Variants in CCDC171 observed in about 807,000 individuals in gnomAD.
The protein encoded by CCDC171 is coiled-coil domain-containing protein 171.
In CCDC171, 177 loss-of-function variants were observed where a neutral mutation model predicts 168.2. The ratio of observed to expected loss-of-function variants is 1.05; its 90% CI spans 0.93 to 1.19. The LOEUF (loss-of-function observed/expected upper bound fraction) is 1.19. Ranked by LOEUF, CCDC171 falls within the 50% of genes most tolerant of loss-of-function variation. CCDC171 has a pLI of 0.00. For missense variants in CCDC171, 1,991 were observed against 1,539.0 expected (o/e 1.29, Z -4.91); for synonymous variants, 687 against 540.8 (o/e 1.27, Z -3.75).
intron 7 of CCDC171, among the ~76,000 whole-genome samples, chr9:15,638,543 C>A (rs1481502089): frequency 6.6e-6 from 1 of 151,908 alleles, no homozygotes; most frequent in African/African-American, 2.4e-5. Context: ...CAATATCAAA[C>A]TAAAGCAACT....
In CCDC171 at chr9:15,599,432, T is replaced by G. The variant is rs2042651639; in HGVS notation, c.675+5260T>G. ...AAGCTTAGTTTGGCTGGATATGAAA[T>G]TCTGGGTTGAAAATTCTTTTCTTCA... On this transcript the variant is annotated intron_variant, in intron 6 of 25. Coordinates refer to ENST00000380701, the MANE Select transcript of CCDC171 (RefSeq NM_173550.4). Among the ~76,000 whole-genome samples, 3 of 152,166 alleles carry G rather than the reference T, an allele frequency of 2.0e-5. No individual in the cohort carries two copies. In the South Asian group the frequency reaches 6.2e-4, roughly 32 times the overall value.
chr9:15,656,518 G>A (rs1164048469), intron 7 of CCDC171, among the ~76,000 whole-genome samples: 1 of 152,204 alleles, frequency 6.6e-6, no homozygotes, highest in Admixed American at 6.5e-5. Context: ...TAAACCAATT[G>A]TGGTCTATTA....
chr9:16,107,632 A>G, the CCDC171 span, among the ~76,000 whole-genome samples: 5 of 152,204 alleles, frequency 3.3e-5, no homozygotes, highest in African/African-American at 1.2e-4. Context: ...TAAACAATAT[A>G]TATACATGTA....
chr9:15,691,554 A>ATATATATATATG (rs1456823440), intron 10 of CCDC171, among the ~76,000 whole-genome samples: 65 of 143,594 alleles, frequency 4.5e-4, no homozygotes, highest in African/African-American at 1.6e-3. Context: ...TTTTATATAT[A>ATATATATATATG]TATATATATA....
intron 21 of CCDC171, among the ~76,000 whole-genome samples, chr9:15,835,257 A>G (rs180763770): frequency 2.0e-5 from 3 of 152,324 alleles, no homozygotes; most frequent in Admixed American, 2.0e-4. Context: ...TTAGTTGCAT[A>G]TTACATGTAT....
chr9:15,915,665 G>A (rs1188637109), intron 24 of CCDC171, among the ~76,000 whole-genome samples: 1 of 152,028 alleles, frequency 6.6e-6, no homozygotes, highest in African/African-American at 2.4e-5. Context: ...AATAAAAGTG[G>A]CAAAAAGTGG....
rs772190980 is a variant in CCDC171 at position 15,578,852 on chromosome 9, G to A, written c.181G>A (p.Ala61Thr). Residue 61 changes from alanine (A) to threonine (T), a missense_variant, in exon 4 of 26, where the codon GCA becomes ACA. Physicochemically the swap from Ala to Thr is moderately conservative, Grantham distance 58. Coordinates refer to ENST00000380701, the MANE Select transcript of CCDC171 (RefSeq NM_173550.4). ...EITTKHNAEL[A>T]SYESQIAKLR... The stretch of plus-strand genomic sequence containing the variant: ...GATATCAGGAATCTGTTTTTAGCTG[G>A]CAAGCTATGAGAGCCAGATTGCCAA... 3 of 1,610,812 alleles carry A rather than the reference G, an allele frequency of 1.9e-6. No individual in the cohort carries two copies. Among genetic ancestry groups the A allele is most frequent in the Non-Finnish European group, 2.5e-6 (3 of 1,178,532 alleles).
intron 7 of CCDC171, among the ~76,000 whole-genome samples, chr9:15,656,249 G>T (rs1406328444): frequency 6.6e-6 from 1 of 152,006 alleles, no homozygotes; most frequent in East Asian, 1.9e-4. Flanking sequence ...ATGAACCCGG[G>T]AGGTAGAGCT....
chr9:15,716,613 C>T (rs1210527367), intron 11 of CCDC171, among the ~76,000 whole-genome samples: 1 of 152,114 alleles, frequency 6.6e-6, no homozygotes, highest in Non-Finnish European at 1.5e-5. Flanking sequence ...AGATTTATTT[C>T]TTACAGTTCT....
chr9:15,651,976 C>G (rs1233011381), intron 7 of CCDC171, among the ~76,000 whole-genome samples: 1 of 152,074 alleles, frequency 6.6e-6, no homozygotes, highest in African/African-American at 2.4e-5. Context: ...GGCATGATCT[C>G]AGCTCACTGA....
chr9:15,793,910 A>G (rs534135192), intron 21 of CCDC171, among the ~76,000 whole-genome samples: 2 of 152,018 alleles, frequency 1.3e-5, no homozygotes, highest in Non-Finnish European at 2.9e-5. Context: ...TCTCTGGGGC[A>G]TAGACAGTAA....
chr9:15,554,915 C>G (rs1033910742), intron 1 of CCDC171, among the ~76,000 whole-genome samples: 5 of 152,160 alleles, frequency 3.3e-5, no homozygotes, highest in African/African-American at 1.2e-4. Flanking sequence ...GAATGCTGAT[C>G]TCAGTATCTG....
chr9:15,933,664 A>G (rs10962223), intron 25 of CCDC171, among the ~76,000 whole-genome samples: 1,531 of 152,030 alleles, frequency 0.01, 14 homozygotes, highest in Non-Finnish European at 0.016. Flanking sequence ...GCTGTGTCTC[A>G]TAGATTTTGG....
chr9:15,882,808 C>G (rs1463296726), intron 24 of CCDC171, among the ~76,000 whole-genome samples: 1 of 151,502 alleles, frequency 6.6e-6, no homozygotes, highest in Non-Finnish European at 1.5e-5. Flanking sequence ...TCCTTTTCTC[C>G]CATTATTCCT....
Position 15,891,349 on chromosome 9 carries a change from A to G in CCDC171, c.3600+16686A>G, listed in dbSNP as rs578192899. Among the ~76,000 whole-genome samples, 62 of 152,200 alleles carry G rather than the reference A, an allele frequency of 4.1e-4. No homozygotes were observed. In the South Asian group the frequency reaches 0.012, roughly 29 times the overall value. ...CAACTAGCTCTCAACCCTGCAAGCT[A>G]TTTATTTCTGTAGCTTTTCTTTTTG... On this transcript the variant is annotated intron_variant, in intron 24 of 25. Coordinates refer to ENST00000380701, the MANE Select transcript of CCDC171 (RefSeq NM_173550.4).
At chr9:15,838,807 T>C (rs1386469024) in intron 21 of CCDC171, among the ~76,000 whole-genome samples, 3 of 152,280 alleles carry the variant, frequency 2.0e-5, no homozygotes, top group Admixed American at 2.0e-4. Flanking sequence ...GCAGCTAAGA[T>C]CTCCCTAACT....
intron 24 of CCDC171, among the ~76,000 whole-genome samples, chr9:15,919,989 G>T (rs957818819): frequency 6.6e-6 from 1 of 151,486 alleles, no homozygotes; most frequent in Non-Finnish European, 1.5e-5. Context: ...AAATAACTGT[G>T]CCATCTTTTA....
At chr9:15,883,995 A>G (rs1393828414) in intron 24 of CCDC171, among the ~76,000 whole-genome samples, 1 of 152,186 alleles carries the variant, frequency 6.6e-6, no homozygotes, top group Non-Finnish European at 1.5e-5. Context: ...CCCTGTAGAC[A>G]CAAATTACAC....
chr9:15,893,678 AAAT>A (rs1589024902), intron 24 of CCDC171, among the ~76,000 whole-genome samples: 1 of 152,214 alleles, frequency 6.6e-6, no homozygotes, highest in Non-Finnish European at 1.5e-5. Context: ...CATATGAAAA[AAAT>A]CTCAACATCA....
Sources: allele counts gnomAD v4.1 joint callset (sites outside exome capture counted in the v4.1 genomes callset), GRCh38; gene constraint gnomAD v4.1.1; transcripts MANE v1.5; gene names NCBI Gene and HGNC (gene_info 2026-07-23, HGNC 2026-07-21).